The following PDE10A variants were observed in gnomAD, a reference collection of about 807,000 sequenced individuals.
PDE10A encodes phosphodiesterase 10A.
Under a neutral mutation model 97.7 loss-of-function variants are expected in PDE10A, and 39 were observed. The observed-to-expected ratio is 0.40, with a 90% CI of 0.31 to 0.52. The LOEUF is 0.52. PDE10A is among the 20% of genes least tolerant of loss of function. The pLI, the probability that PDE10A is intolerant of heterozygous loss-of-function variation, is 0.56. For synonymous variants in PDE10A, 371 were observed against 376.8 expected (o/e 0.98, Z 0.18); for missense variants, 731 against 1,047.8 (o/e 0.70, Z 4.17).
intron 2 of PDE10A, among the ~76,000 whole-genome samples, chr6:165,486,591 G>A (rs539084724): frequency 1.3e-5 from 2 of 152,264 alleles, no homozygotes; most frequent in Admixed American, 6.5e-5. Flanking sequence ...CTTAACTCAC[G>A]TCTGTTCGCA....
Position 165,671,920 on chromosome 6 carries a change from G to C in PDE10A, c.-614-128352C>G, listed in dbSNP as rs548426387. ...ACATTAAATATCTCTATTTTATAGCGAAGTTATTAATATATGCCATGAAAC... is the reference window on the plus strand; with the variant it reads ...ACATTAAATATCTCTATTTTATAGCCAAGTTATTAATATATGCCATGAAAC... On this transcript the variant is annotated intron_variant, in intron 1 of 19. Coordinates refer to the PDE10A transcript ENST00000366882. The surrounding 1 kb of genome is among the most constrained non-coding windows in gnomAD (Gnocchi z 4.6). 6.6e-6 allele frequency among the ~76,000 whole-genome samples: 1 copy of C among 152,156 alleles called. No individual in the cohort carries two copies.
At chr6:165,373,017 G>A (rs1376414112) in intron 18 of PDE10A, among the ~76,000 whole-genome samples, 1 of 145,298 alleles carries the variant, frequency 6.9e-6, no homozygotes, top group Non-Finnish European at 1.5e-5. Context: ...GGGAAAACTG[G>A]CTAGCCATAT....
rs376660832 is a variant in PDE10A at position 165,754,722 on chromosome 6, T to A, written c.-614-211154A>T. Among the ~76,000 whole-genome samples, 7 of 152,274 alleles carry A rather than the reference T, an allele frequency of 4.6e-5. No individual in the cohort carries two copies. In the East Asian group the frequency reaches 1.2e-3, roughly 25 times the overall value. The stretch of plus-strand genomic sequence containing the variant: ...GTGAATTTGGGAAAGTCACTTAACC[T>A]CCTAAAGCTTCAGTCCTCTCATCTA... On this transcript the variant is annotated intron_variant, in intron 1 of 19. Coordinates refer to the PDE10A transcript ENST00000366882.
intron 1 of PDE10A, among the ~76,000 whole-genome samples, chr6:165,871,314 T>TA (rs1307084814): frequency 6.6e-6 from 1 of 152,286 alleles, no homozygotes; most frequent in African/African-American, 2.4e-5. Context: ...TTTATACAAA[T>TA]AAAAAATGTG....
intron 1 of PDE10A, among the ~76,000 whole-genome samples, chr6:165,615,287 T>G (rs1787679563): frequency 6.6e-6 from 1 of 152,164 alleles, no homozygotes. Context: ...TTCCATTCAT[T>G]ATTTTTAGAT....
intron 1 of PDE10A, among the ~76,000 whole-genome samples, chr6:165,935,819 G>A (rs1030261805): frequency 6.6e-6 from 1 of 152,196 alleles, no homozygotes; most frequent in Non-Finnish European, 1.5e-5. Context: ...TGTCTCTTTT[G>A]TGCTCTTGCT....
chr6:165,752,881 A>T (rs76336544), intron 1 of PDE10A, among the ~76,000 whole-genome samples: 1 of 152,230 alleles, frequency 6.6e-6, no homozygotes, highest in Non-Finnish European at 1.5e-5. Flanking sequence ...CTGCTAACAG[A>T]TGCTGCTCGA....
At chr6:165,551,394 T>C (rs1583523180) in intron 1 of PDE10A, among the ~76,000 whole-genome samples, 1 of 152,194 alleles carries the variant, frequency 6.6e-6, no homozygotes, top group Non-Finnish European at 1.5e-5. Context: ...TGGCCTACTT[T>C]GAATGCTCTC....
Position 165,327,853 on chromosome 6 carries a change from AG to A in PDE10A, c.*5171del, listed in dbSNP as rs1291287754. 7 of 152,228 alleles carry A rather than the reference AG, an allele frequency of 4.6e-5. No homozygotes were observed. The highest frequency in any genetic ancestry group is 1.7e-4 in the African/African-American group (7 of 41,456). 9.4% of individuals were successfully genotyped at this position (152,228 alleles called of 1,614,324 possible). A position where few individuals can be genotyped will look rare whatever the true frequency, so the allele number is the denominator to read the frequency against. ...TGACTCTACAAATCAGTTCTTCATG[AG>A]CATTGTATTTGTGATGGCATATAAC... On this transcript the variant is annotated 3_prime_UTR_variant, in exon 22 of 22. Coordinates refer to ENST00000539869, the MANE Select transcript of PDE10A (RefSeq NM_001385079.1).
chr6:165,808,016 C>A (rs912334328), intron 1 of PDE10A, among the ~76,000 whole-genome samples: 6 of 152,160 alleles, frequency 3.9e-5, no homozygotes, highest in Non-Finnish European at 7.3e-5. Flanking sequence ...CTTTGGGAAG[C>A]CTTTCAGTGA....
Position 165,418,727 on chromosome 6 carries a change from C to T in PDE10A, c.1704G>A (p.Val568=), listed in dbSNP as rs1291453107. ...AATATAACTCCTTGTTCTTATGGTC[C>T]ACCTGGAAAAGCGCACAACGATCGG... ...VNADRCALFQ[V]DHKNKELYSD... is the part of the protein sequence containing the mutation. Residue 568 remains valine, a synonymous_variant, in exon 11 of 22, where the codon GTG becomes GTA. Transcript: ENST00000539869. The surrounding 1 kb of genome is among the most constrained non-coding windows in gnomAD (Gnocchi z 4.8). 1 of 1,613,736 alleles carries T rather than the reference C, an allele frequency of 6.2e-7. No homozygotes were observed. Among genetic ancestry groups the T allele is most frequent in the Admixed American group, 1.7e-5 (1 of 60,012 alleles).
intron 1 of PDE10A, among the ~76,000 whole-genome samples, chr6:165,985,481 C>T (rs939970855): frequency 2.6e-5 from 4 of 152,200 alleles, no homozygotes; most frequent in African/African-American, 9.7e-5. Context: ...TCCTTGAAAT[C>T]ACAGCACATC....
At chr6:165,823,665 T>C (rs1392975357) in intron 1 of PDE10A, among the ~76,000 whole-genome samples, 2 of 141,286 alleles carry the variant, frequency 1.4e-5, no homozygotes, top group East Asian at 3.9e-4. Flanking sequence ...TCGTTTATTG[T>C]CATTATCAAG....
At chr6:165,576,097 C>A (rs932257060) in intron 1 of PDE10A, among the ~76,000 whole-genome samples, 1 of 151,066 alleles carries the variant, frequency 6.6e-6, no homozygotes. Context: ...ATGTAACCCA[C>A]CCTATGAAAA....
At chr6:165,395,097 G>A in intron 15 of PDE10A, 84 bp downstream of exon 15, 1 of 748,494 alleles carries the variant, frequency 1.3e-6, no homozygotes. Flanking sequence ...TACAAACAAA[G>A]ATCGTGGTGA....
At chr6:165,471,485 C>A (rs1009974656) in intron 3 of PDE10A, among the ~76,000 whole-genome samples, 11 of 152,140 alleles carry the variant, frequency 7.2e-5, no homozygotes, top group African/African-American at 2.7e-4. Context: ...TACTTAACAT[C>A]TCCCATTTGG....
intron 1 of PDE10A, among the ~76,000 whole-genome samples, chr6:165,802,119 G>A (rs546711402): frequency 6.6e-6 from 1 of 152,214 alleles, no homozygotes; most frequent in Admixed American, 6.5e-5. Flanking sequence ...AGGGCTACAG[G>A]ATGATGAGGC....
At chr6:165,397,702 C>CAAAAAAA (rs71026686) in intron 13 of PDE10A, among the ~76,000 whole-genome samples, 20 of 88,350 alleles carry the variant, frequency 2.3e-4, no homozygotes, top group Admixed American at 2.6e-4. Flanking sequence ...AACTCCATCT[C>CAAAAAAA]AAAAAAAAAA....
rs1169061018 is a variant in PDE10A, at chr6:165,839,759, CCTGTCTCCATCCCCATCTGCAT to C, written c.-615+147748_-615+147769del. On this transcript the variant is annotated intron_variant, in intron 1 of 19. Coordinates refer to the PDE10A transcript ENST00000366882. ...CATCTTCATTCTTATCATCTTCATC[CCTGTCTCCATCCCCATCTGCAT>C]CTGTCTCCATCCCCATCCCCTTCTC... Among the ~76,000 whole-genome samples the C allele has an allele frequency of 1.2e-4, 3 of 25,842 alleles. No homozygotes were observed. In the East Asian group the frequency reaches 3.8e-3, roughly 33 times the overall value. The allele number at this position is 25,842 out of a possible 152,430, so 17.0% of individuals were successfully genotyped here. A position where few individuals can be genotyped will look rare whatever the true frequency, so the allele number is the denominator to read the frequency against.
Sources: gnomAD v4.1 joint callset for allele counts (sites outside exome capture counted in the v4.1 genomes callset) on GRCh38, gnomAD v4.1.1 for gene constraint, Gnocchi (gnomAD v3.1) non-coding constraint, MANE v1.5 for transcripts, NCBI Gene and HGNC (gene_info 2026-07-23, HGNC 2026-07-21) for gene names.